DNM3: variants seen among roughly 807,000 people sequenced by gnomAD.
DNM3 encodes dynamin 3.
DNM3 carries 47 observed loss-of-function variants against 101.6 expected under a neutral mutation model. The observed-to-expected ratio is 0.46, with a 90% confidence interval of 0.37 to 0.59. DNM3 has a LOEUF of 0.59. DNM3 is among the 20% of genes least tolerant of loss of function. The pLI is 0.00. For missense variants in DNM3, 849 were observed against 1,085.7 expected (o/e 0.78, Z 3.06); for synonymous variants, 385 against 387.9 (o/e 0.99, Z 0.09).
At chr1:172,418,393 A>G in exon 21 of DNM3, 1 of 1,180,760 alleles carries the variant, frequency 8.5e-7, no homozygotes, top group Non-Finnish European at 1.1e-6. Flanking sequence ...TTTGCACTAT[A>G]TGTCGTATGT....
intron 14 of DNM3, among the ~76,000 whole-genome samples, chr1:172,135,431 G>A (rs2057163862): frequency 1.3e-5 from 2 of 151,598 alleles, no homozygotes; most frequent in Non-Finnish European, 2.9e-5. Flanking sequence ...ACCACTAAAG[G>A]TAGATTGTCT....
At chr1:172,396,599 G>A (rs2070024095) in intron 20 of DNM3, among the ~76,000 whole-genome samples, 1 of 152,130 alleles carries the variant, frequency 6.6e-6, no homozygotes, top group Non-Finnish European at 1.5e-5. Context: ...TGGTAATTTT[G>A]AAACTAAGAG....
chr1:172,135,940 A>C (rs960448183), intron 14 of DNM3, among the ~76,000 whole-genome samples: 5 of 152,112 alleles, frequency 3.3e-5, no homozygotes, highest in Admixed American at 6.6e-5. Flanking sequence ...GAGGACTGTT[A>C]ATTTATGTAT....
At chr1:172,275,009 G>A (rs147882128) in intron 15 of DNM3, among the ~76,000 whole-genome samples, 1 of 152,120 alleles carries the variant, frequency 6.6e-6, no homozygotes, top group East Asian at 1.9e-4. Context: ...GCAATGCTCT[G>A]TTATTGGCCA....
chr1:172,317,497 C>T (rs1388491497), intron 16 of DNM3, among the ~76,000 whole-genome samples: 1 of 151,770 alleles, frequency 6.6e-6, no homozygotes, highest in Non-Finnish European at 1.5e-5. Flanking sequence ...ACTAGCAAGA[C>T]TAATAAAGAA....
intron 1 of DNM3, among the ~76,000 whole-genome samples, chr1:171,872,787 T>G (rs1450442489): frequency 6.6e-6 from 1 of 152,172 alleles, no homozygotes; most frequent in East Asian, 1.9e-4. Flanking sequence ...GAAGAAATGT[T>G]TGTTTTTTTT....
chr1:172,037,354 A>G (rs1039676177), intron 6 of DNM3, among the ~76,000 whole-genome samples: 3 of 152,188 alleles, frequency 2.0e-5, no homozygotes, highest in South Asian at 2.1e-4. Flanking sequence ...TGTTTATTGC[A>G]GCACTATTCA....
chr1:172,099,943 C>T (rs570490229), intron 13 of DNM3, among the ~76,000 whole-genome samples: 60 of 152,334 alleles, frequency 3.9e-4, no homozygotes, highest in Admixed American at 3.9e-3. Context: ...GTGGCATTTA[C>T]ATGACTGATA....
In DNM3 at chr1:172,032,439, T is replaced by C. The variant is rs1266848167; in HGVS notation, c.627T>C (p.Leu209=). The C allele has an allele frequency of 1.2e-6, 2 of 1,613,014 alleles. No individual in the cohort carries two copies. The highest frequency in any genetic ancestry group is 1.3e-5 in the African/African-American group (1 of 74,882). ...RTIGVITKLD[L]MDEGTDARDV... ...TTGGAGTTATCACCAAACTGGACCT[T>C]ATGGATGAAGGAACGGATGCCAGGG... The change falls in exon 5 of 21, where the codon CTT becomes CTC. Residue 209 remains leucine (L), a synonymous_variant. Coordinates refer to ENST00000627582, the MANE Select transcript of DNM3 (RefSeq NM_015569.5).
In DNM3 at chr1:172,174,550, G is replaced by A. The variant is rs116121950; in HGVS notation, c.1659+43262G>A. Among the ~76,000 whole-genome samples the A allele has an allele frequency of 3.7e-3, 566 of 151,750 alleles. 9 individuals are homozygous for A. Among genetic ancestry groups the A allele is most frequent in the African/African-American group, 0.013 (539 of 41,484 alleles). The stretch of plus-strand genomic sequence containing the variant: ...TACACGTTGTTGATTTATCTTCCTT[G>A]GCTGACATTTTTTAACAAATGTCTC... On this transcript the variant is annotated intron_variant, in intron 14 of 20. Coordinates refer to ENST00000627582, the MANE Select transcript of DNM3 (RefSeq NM_015569.5).
chr1:172,050,545 GA>G (rs1256833303), intron 10 of DNM3, among the ~76,000 whole-genome samples: 1 of 152,194 alleles, frequency 6.6e-6, no homozygotes, highest in Non-Finnish European at 1.5e-5. Flanking sequence ...TGAATGCTAT[GA>G]AAAGACTTGA....
At chr1:172,357,401 C>G (rs2067510087) in intron 17 of DNM3, among the ~76,000 whole-genome samples, 1 of 152,094 alleles carries the variant, frequency 6.6e-6, no homozygotes, top group Non-Finnish European at 1.5e-5. Flanking sequence ...CATCACATGT[C>G]TCCTGATGTA....
chr1:171,995,462 G>C (rs1362986785), intron 4 of DNM3, among the ~76,000 whole-genome samples: 1 of 151,324 alleles, frequency 6.6e-6, no homozygotes, highest in Non-Finnish European at 1.5e-5. Flanking sequence ...GTAAGCCTTT[G>C]GTTAATTTCC....
rs764043219 is a variant in DNM3, at chr1:172,379,207, T to C, written c.2058+25T>C. ...CGTAAGTGATTATAAACTACCTCCA[T>C]TTAACTTCTAACCCATCCGAGTGTG... On this transcript the variant is annotated intron_variant, in intron 18 of 20. Coordinates refer to ENST00000627582, the MANE Select transcript of DNM3 (RefSeq NM_015569.5). The C allele has an allele frequency of 3.3e-5, 52 of 1,572,058 alleles. 1 individual carries two copies. In the Middle Eastern group the frequency reaches 8.4e-4, roughly 25 times the overall value.
At chr1:172,313,098 C>A (rs962623583) in intron 16 of DNM3, among the ~76,000 whole-genome samples, 1 of 152,180 alleles carries the variant, frequency 6.6e-6, no homozygotes, top group African/African-American at 2.4e-5. Context: ...ATATTTAAAT[C>A]TGAATTTGGA....
intron 10 of DNM3, among the ~76,000 whole-genome samples, chr1:172,054,475 T>C (rs1175467789): frequency 1.3e-5 from 2 of 152,228 alleles, no homozygotes; most frequent in Non-Finnish European, 2.9e-5. Context: ...GTGCTGAAGG[T>C]CTTTTCAGAA....
chr1:172,197,731 A>T (rs1295918102), intron 14 of DNM3, among the ~76,000 whole-genome samples: 1 of 152,056 alleles, frequency 6.6e-6, no homozygotes, highest in Non-Finnish European at 1.5e-5. Flanking sequence ...GATGTATAGA[A>T]ATGCTAGTGA....
chr1:172,074,971 G>A (rs1304400204), intron 11 of DNM3, among the ~76,000 whole-genome samples: 1 of 152,170 alleles, frequency 6.6e-6, no homozygotes, highest in Non-Finnish European at 1.5e-5. Context: ...ATCCTCTCCA[G>A]CATCTGTTGT....
At chr1:172,335,485 A>C (rs1434014895) in intron 17 of DNM3, among the ~76,000 whole-genome samples, 1 of 152,206 alleles carries the variant, frequency 6.6e-6, no homozygotes, top group Non-Finnish European at 1.5e-5. Flanking sequence ...TACAAGACAC[A>C]TGCTTTCATA....
Sources: allele counts gnomAD v4.1 joint callset (sites outside exome capture counted in the v4.1 genomes callset), GRCh38; gene constraint gnomAD v4.1.1; transcripts MANE v1.5; gene names NCBI Gene and HGNC (gene_info 2026-07-23, HGNC 2026-07-21).